PRRC2A: variants seen among roughly 807,000 people sequenced by gnomAD.
PRRC2A encodes the protein proline rich coiled-coil 2A, also known as protein PRRC2A.
In PRRC2A, 59 loss-of-function variants were observed where a neutral mutation model predicts 224.6. The ratio of observed to expected loss-of-function variants is 0.26; its 90% CI spans 0.21 to 0.33. PRRC2A has a LOEUF of 0.33. Among genes scored for constraint, PRRC2A ranks in the 10% least tolerant of loss-of-function variants. The pLI is 1.00. For synonymous variants in PRRC2A, 1,194 were observed against 1,109.5 expected (o/e 1.08, Z -1.51); for missense variants, 3,095 against 2,880.7 (o/e 1.07, Z -1.70).
Position 31,629,204 on chromosome 6 carries a change from C to T in PRRC2A, c.1826C>T (p.Thr609Ile). The change falls in exon 13 of 31, where the codon ACC becomes ATC. Residue 609 changes from threonine (T) to isoleucine (I), a missense_variant. Thr to Ile is a moderately conservative substitution (Grantham distance 89). Transcript: ENST00000376033. The stretch of plus-strand genomic sequence containing the variant: ...CCACCAGAAGAGGTTCCTCCTCCTA[C>T]CACACCCCCAGTTCCAAAGGTGGAA... ...PEPPEEVPPP[T>I]TPPVPKVEPK... 1.2e-6 allele frequency: 2 copies of T among 1,614,150 alleles called. No individual in the cohort carries two copies. Among genetic ancestry groups the T allele is most frequent in the South Asian group, 1.1e-5 (1 of 91,084 alleles).
chr6:31,624,256 C>T lies in PRRC2A; in HGVS notation c.291-5C>T. 2 of 1,612,996 alleles carry T rather than the reference C, an allele frequency of 1.2e-6. No homozygotes were observed. Among genetic ancestry groups the T allele is most frequent in the Non-Finnish European group, 1.7e-6 (2 of 1,179,664 alleles). ...GTGAATAACCTTCCCATTCTGTCCC[C>T]TCAGTTCCGATGCCTCAACCGCTCA... On this transcript the variant is annotated splice_polypyrimidine_tract_variant and splice_region_variant and intron_variant, in intron 3 of 30. Transcript: ENST00000376033.
chr6:31,634,634 G>A, intron 20 of PRRC2A, 77 bp downstream of exon 20: 1 of 1,583,826 alleles, frequency 6.3e-7, no homozygotes, highest in Admixed American at 1.7e-5. Context: ...GCTCTGGGTT[G>A]AGTCTGGAGC....
At chr6:31,630,940 C>T (rs1175630034) in intron 15 of PRRC2A, 139 bp downstream of exon 15, 17 of 1,300,312 alleles carry the variant, frequency 1.3e-5, no homozygotes, top group Non-Finnish European at 1.7e-5. Context: ...CCTGTAATCC[C>T]AGCATTTTGG....
rs759225499 is a variant in PRRC2A at position 31,623,927 on chromosome 6, G to A, written c.290+18G>A. The A allele has an allele frequency of 6.2e-7, 1 of 1,611,874 alleles. No individual in the cohort carries two copies. The highest frequency in any genetic ancestry group is 8.5e-7 in the Non-Finnish European group (1 of 1,178,340). ...CCCAAGAGGTAGACAGAGGCTTGGG[G>A]GACCTAGAGTGATGGGTATTTTAAC... On this transcript the variant is annotated intron_variant, in intron 3 of 30. Transcript: ENST00000376033.
chr6:31,635,096 C>T (rs1280782370), intron 21 of PRRC2A, 36 bp from the exon 22 acceptor site: 1 of 1,605,068 alleles, frequency 6.2e-7, no homozygotes, highest in East Asian at 2.2e-5. Context: ...TTTCCCTTTC[C>T]CTCCCCCAAT....
chr6:31,636,642 A>G lies in PRRC2A; in HGVS notation c.5934+34A>G. The stretch of plus-strand genomic sequence containing the variant: ...TATCTTCACACTTCCCCTTCATTTG[A>G]TTTCTCTGTCCAGTTGCTGGCTTTG... On this transcript the variant is annotated intron_variant, in intron 27 of 30. Transcript: ENST00000376033. This position sits in a 1 kb window ranked among gnomAD's most constrained non-coding sequence, Gnocchi z 4.3. 1 of 1,588,422 alleles carries G rather than the reference A, an allele frequency of 6.3e-7. No homozygotes were observed. The highest frequency in any genetic ancestry group is 1.1e-5 in the South Asian group (1 of 88,618).
chr6:31,636,661 G>A lies in PRRC2A; in HGVS notation c.5934+53G>A. The stretch of plus-strand genomic sequence containing the variant: ...CATTTGATTTCTCTGTCCAGTTGCT[G>A]GCTTTGATTTTCCCTGGTTTTCTGA... On this transcript the variant is annotated intron_variant, in intron 27 of 30. Transcript: ENST00000376033. The surrounding 1 kb of genome is among the most constrained non-coding windows in gnomAD (Gnocchi z 4.3). The A allele has an allele frequency of 6.3e-7, 1 of 1,593,048 alleles. No individual in the cohort carries two copies. Among genetic ancestry groups the A allele is most frequent in the African/African-American group, 1.3e-5 (1 of 74,580 alleles).
chr6:31,626,958 A>T (rs780389358), intron 10 of PRRC2A, 24 bp from the exon 11 acceptor site: 1 of 1,613,952 alleles, frequency 6.2e-7, no homozygotes. Context: ...GCTGATTTTA[A>T]TTTCACTGTT....
Position 31,625,813 on chromosome 6 carries a change from T to A in PRRC2A, c.781T>A (p.Phe261Ile). The change falls in exon 8 of 31, where the codon TTC becomes ATC. Residue 261 changes from phenylalanine to isoleucine, a missense_variant. Phe to Ile is a conservative substitution (Grantham distance 21). Transcript: ENST00000376033. The surrounding 1 kb of genome is among the most constrained non-coding windows in gnomAD (Gnocchi z 4.1). ...PPFMYPPYLP[F>I]PPPYGPQGPY... ...ACAGATGTATCCCCCATATCTCCCGTTCCCTCCGCCCTATGGACCCCAGGG... is the reference window on the plus strand; with the variant it reads ...ACAGATGTATCCCCCATATCTCCCGATCCCTCCGCCCTATGGACCCCAGGG... 6.3e-7 allele frequency: 1 copy of A among 1,583,706 alleles called. No individual in the cohort carries two copies. The highest frequency in any genetic ancestry group is 1.1e-5 in the South Asian group (1 of 90,432).
chr6:31,623,507 T>C (rs1326297783), intron 2 of PRRC2A, among the ~76,000 whole-genome samples: 2 of 152,130 alleles, frequency 1.3e-5, no homozygotes, highest in African/African-American at 4.8e-5. Flanking sequence ...CCTCAGGTGA[T>C]CCGCCTGCCT....
At chr6:31,623,385 A>G (rs190677318) in intron 2 of PRRC2A, among the ~76,000 whole-genome samples, 1 of 148,642 alleles carries the variant, frequency 6.7e-6, no homozygotes, top group East Asian at 2.0e-4. Context: ...ATCCTGCCTC[A>G]GCCTCCTGAG....
chr6:31,623,914 A>G lies in PRRC2A; in HGVS notation c.290+5A>G. 6.2e-7 allele frequency: 1 copy of G among 1,613,960 alleles called. No individual in the cohort carries two copies. Among genetic ancestry groups the G allele is most frequent in the Non-Finnish European group, 8.5e-7 (1 of 1,179,858 alleles). ...GGAGCAGTCCGACCCCAAGAGGTAG[A>G]CAGAGGCTTGGGGGACCTAGAGTGA... On this transcript the variant is annotated splice_donor_5th_base_variant and intron_variant, in intron 3 of 30. Coordinates refer to ENST00000376033, the MANE Select transcript of PRRC2A (RefSeq NM_004638.4).
At chr6:31,622,441 A>T (rs1775396582) in intron 1 of PRRC2A, among the ~76,000 whole-genome samples, 1 of 152,160 alleles carries the variant, frequency 6.6e-6, no homozygotes, top group Non-Finnish European at 1.5e-5. Context: ...CTCTTTGTAG[A>T]CAGGCACAAA....
intron 21 of PRRC2A, 22 bp from the exon 22 acceptor site, chr6:31,635,110 C>G (rs1561838177): frequency 6.2e-7 from 1 of 1,612,556 alleles, no homozygotes. Context: ...CCCCAATGCA[C>G]TTTACTGTGT....
Position 31,632,921 on chromosome 6 carries a change from T to A in PRRC2A, c.4248T>A (p.Gly1416=). The A allele has an allele frequency of 6.2e-7, 1 of 1,611,992 alleles. No homozygotes were observed. Among genetic ancestry groups the A allele is most frequent in the Non-Finnish European group, 8.5e-7 (1 of 1,179,586 alleles). ...GTGGCAGCAGCAGTGGAGGAGGCGG[T>A]GGGGGTCCTGGAGGAAGGACCGGGC... ...GSSGSSSGGG[G]GGPGGRTGPG... The change falls in exon 16 of 31, where the codon GGT becomes GGA. Residue 1416 remains glycine, a synonymous_variant. Transcript: ENST00000376033.
rs370398083 is a variant in PRRC2A at position 31,631,744 on chromosome 6, G to A, written c.3071G>A (p.Arg1024Gln). 37 of 1,532,010 alleles carry A rather than the reference G, an allele frequency of 2.4e-5. No individual in the cohort carries two copies. Among genetic ancestry groups the A allele is most frequent in the African/African-American group, 8.3e-5 (6 of 72,172 alleles). The allele number at this position is 1,532,010 out of a possible 1,614,324, so 94.9% of individuals were successfully genotyped here. A position where few individuals can be genotyped will look rare whatever the true frequency, so the allele number is the denominator to read the frequency against. ...GAAAGAGTGGGTCCTACCTCTTGCC[G>A]GGGTCGGGGCCGAGGCGAGTATTTT... ...SYERVGPTSC[R>Q]GRGRGEYFAR... The change falls in exon 16 of 31, where the codon CGG (arginine) becomes CAG (glutamine). Residue 1024 changes from arginine to glutamine, a missense_variant. By Grantham distance (43) the Arg-to-Gln change is conservative. Around this residue, in one of 8 missense-constraint regions of PRRC2A, gnomAD observed 2,001 missense variants for 1,764.9 expected, o/e 1.13. Coordinates refer to ENST00000376033, the MANE Select transcript of PRRC2A (RefSeq NM_004638.4). This position sits in a 1 kb window ranked among gnomAD's most constrained non-coding sequence, Gnocchi z 4.5.
Position 31,635,388 on chromosome 6 carries a change from TC to T in PRRC2A, c.5302-5del, listed in dbSNP as rs1490106269. ...GACAATGTCTCCTGCCTTCTTGTGA[TC>T]ACAGGACTCAGACTTACGCCTAGTG... On this transcript the variant is annotated splice_polypyrimidine_tract_variant and splice_region_variant and intron_variant, in intron 22 of 30. Transcript: ENST00000376033. The T allele has an allele frequency of 6.2e-7, 1 of 1,614,190 alleles. No homozygotes were observed. Among genetic ancestry groups the T allele is most frequent in the South Asian group, 1.1e-5 (1 of 91,082 alleles).
rs1777362792 is a variant in PRRC2A at position 31,636,486 on chromosome 6, A to AT, written c.5836-23dup. 6.2e-7 allele frequency: 1 copy of AT among 1,609,124 alleles called. No individual in the cohort carries two copies. The highest frequency in any genetic ancestry group is 8.5e-7 in the Non-Finnish European group (1 of 1,177,130). ...GGAGAATGATTTTGTGGGGGTTGATATATTTCTCCCTGTTTCCCGACAGGT... is the reference window on the plus strand; with the variant it reads ...GGAGAATGATTTTGTGGGGGTTGATATTATTTCTCCCTGTTTCCCGACAGGT... On this transcript the variant is annotated intron_variant, in intron 26 of 30. Coordinates refer to ENST00000376033, the MANE Select transcript of PRRC2A (RefSeq NM_004638.4). The surrounding 1 kb of genome is among the most constrained non-coding windows in gnomAD (Gnocchi z 4.3).
chr6:31,622,810 G>A lies in PRRC2A; in HGVS notation c.21G>A (p.Pro7=), dbSNP rs751263123. The A allele has an allele frequency of 2.5e-6, 4 of 1,613,926 alleles. No individual in the cohort carries two copies. The highest frequency in any genetic ancestry group is 1.1e-5 in the South Asian group (1 of 91,064). MSDRSG[P]TAKGKDGKKY... ...GCGCAATGTCCGATCGCTCGGGGCC[G>A]ACTGCCAAGGGAAAGGATGGAAAGA... is the stretch of plus-strand genomic sequence containing the variant. The change falls in exon 2 of 31, where the codon CCG becomes CCA. Residue 7 remains proline (P), a synonymous_variant. Transcript: ENST00000376033.
Sources: gnomAD v4.1 joint callset for allele counts (sites outside exome capture counted in the v4.1 genomes callset) on GRCh38, gnomAD v4.1.1 for gene constraint, gnomAD v4.1.1 regional missense constraint, Gnocchi (gnomAD v3.1) non-coding constraint, MANE v1.5 for transcripts, NCBI Gene and HGNC (gene_info 2026-07-23, HGNC 2026-07-21) for gene names.